Variants in PHF21A observed in about 807,000 individuals in gnomAD.
PHF21A encodes BHC80a.
In PHF21A, 11 loss-of-function variants were observed where a neutral mutation model predicts 82.5. That is an observed-to-expected ratio of 0.13 (90% CI 0.08 to 0.22). The LOEUF is 0.22. Among genes scored for constraint, PHF21A ranks in the 10% least tolerant of loss-of-function variants. PHF21A has a pLI of 1.00. For missense variants in PHF21A, 579 were observed against 837.8 expected (o/e 0.69, Z 3.81); for synonymous variants, 297 against 302.8 (o/e 0.98, Z 0.20).
At chr11:45,982,749 A>G (rs1361760029) in intron 6 of PHF21A, among the ~76,000 whole-genome samples, 4 of 152,188 alleles carry the variant, frequency 2.6e-5, no homozygotes, top group Non-Finnish European at 4.4e-5. Context: ...AGCCAGAGAA[A>G]GGAACCCTAA....
intron 10 of PHF21A, among the ~76,000 whole-genome samples, chr11:45,964,129 C>T (rs1005779663): frequency 2.0e-5 from 3 of 150,550 alleles, no homozygotes; most frequent in Admixed American, 6.6e-5. Context: ...ACCTGGGAGG[C>T]GGAGGTTGCA....
rs868649151 is a variant in PHF21A, at chr11:45,942,173, A to G, written c.1452+3667T>C. Among the ~76,000 whole-genome samples the G allele has an allele frequency of 7.9e-5, 12 of 152,366 alleles. 1 individual carries two copies. The Middle Eastern group carries it at 0.014, about 173-fold the overall frequency. On this transcript the variant is annotated intron_variant, in intron 15 of 18. Coordinates refer to ENST00000676320, the MANE Select transcript of PHF21A (RefSeq NM_001352027.3). The stretch of plus-strand genomic sequence containing the variant: ...CTGAGTTTAACTTAGGGAGTTCTTT[A>G]GAAAAGCTTTCTTTTACCTGTAGAT...
At chr11:45,959,609 C>CA (rs2092949232) in intron 10 of PHF21A, among the ~76,000 whole-genome samples, 1 of 152,100 alleles carries the variant, frequency 6.6e-6, no homozygotes, top group Non-Finnish European at 1.5e-5. Flanking sequence ...TCTCTATTTG[C>CA]AGATGACATG....
intron 6 of PHF21A, among the ~76,000 whole-genome samples, chr11:45,984,898 T>C (rs918554229): frequency 5.9e-5 from 9 of 152,246 alleles, no homozygotes; most frequent in African/African-American, 2.2e-4. Flanking sequence ...TCTTACACAG[T>C]ATTGCCTTAA....
chr11:46,110,741 T>C (rs1208581292), intron 1 of PHF21A, among the ~76,000 whole-genome samples: 1 of 152,180 alleles, frequency 6.6e-6, no homozygotes, highest in Non-Finnish European at 1.5e-5. Context: ...CCATACATTT[T>C]GGACACATCT....
intron 1 of PHF21A, chr11:46,117,888 A>G (rs908426196): frequency 1.3e-5 from 2 of 152,170 alleles, no homozygotes; most frequent in African/African-American, 2.4e-5. Flanking sequence ...AGTAGCAAAC[A>G]TTATTTATGA....
chr11:46,023,203 T>C (rs961581784), intron 6 of PHF21A, among the ~76,000 whole-genome samples: 1 of 152,198 alleles, frequency 6.6e-6, no homozygotes, highest in Admixed American at 6.5e-5. Context: ...GCCAGGGACT[T>C]ATGAAAGGAT....
chr11:46,091,521 A>T (rs940211656), intron 2 of PHF21A, among the ~76,000 whole-genome samples: 5 of 152,192 alleles, frequency 3.3e-5, no homozygotes, highest in Non-Finnish European at 2.9e-5. Flanking sequence ...GAATTATATA[A>T]AACAACACAT....
At chr11:45,967,547 C>T (rs926028239) in intron 9 of PHF21A, among the ~76,000 whole-genome samples, 7 of 152,324 alleles carry the variant, frequency 4.6e-5, no homozygotes, top group Admixed American at 4.6e-4. Context: ...GGGCATAAGG[C>T]TTCTATGCCA....
At chr11:45,948,033 G>C (rs1372215270) in intron 14 of PHF21A, among the ~76,000 whole-genome samples, 1 of 152,202 alleles carries the variant, frequency 6.6e-6, no homozygotes, top group Non-Finnish European at 1.5e-5. Flanking sequence ...CTCTGAGACT[G>C]TGTGTGCACA....
rs1251435473 is a variant in PHF21A, at chr11:45,930,839, G to C, written c.*3129C>G. ...GGGGAAAGAGCAGCGGAGGGAAGGA[G>C]GAGGAAGCAAGTGGAGGTGGCTGGG... On this transcript the variant is annotated 3_prime_UTR_variant, in exon 19 of 19. Transcript: ENST00000676320. 6.6e-6 allele frequency: 1 copy of C among 152,542 alleles called. No homozygotes were observed. The highest frequency in any genetic ancestry group is 2.4e-5 in the African/African-American group (1 of 41,406). 9.4% of individuals were successfully genotyped at this position (152,542 alleles called of 1,614,324 possible).
At chr11:46,092,759 C>T (rs1460956085) in intron 1 of PHF21A, among the ~76,000 whole-genome samples, 4 of 135,634 alleles carry the variant, frequency 2.9e-5, no homozygotes, top group African/African-American at 5.5e-5. Flanking sequence ...TGTGTCTCAC[C>T]TTTTTTTTTT....
chr11:46,006,714 A>G (rs1387989891), intron 6 of PHF21A, among the ~76,000 whole-genome samples: 6 of 152,218 alleles, frequency 3.9e-5, no homozygotes, highest in Non-Finnish European at 8.8e-5. Context: ...AAAAAGATAC[A>G]CTTGTATTAA....
In PHF21A at chr11:46,084,971, C is replaced by T. The variant is rs548231741; in HGVS notation, c.-83-669G>A. Reference sequence around the variant, plus strand: ...CTGGGATTACAGGCGTGAGCCACTGCGCTGAGCCAAAATCATACATTTTTA... The same window carrying T: ...CTGGGATTACAGGCGTGAGCCACTGTGCTGAGCCAAAATCATACATTTTTA... On this transcript the variant is annotated intron_variant, in intron 3 of 18. Coordinates refer to ENST00000676320, the MANE Select transcript of PHF21A (RefSeq NM_001352027.3). Among the ~76,000 whole-genome samples the T allele has an allele frequency of 1.4e-4, 21 of 152,104 alleles. No homozygotes were observed. The South Asian group carries it at 4.0e-3, about 29-fold the overall frequency.
intron 1 of PHF21A, among the ~76,000 whole-genome samples, chr11:46,111,020 G>C (rs2097207174): frequency 6.6e-6 from 1 of 150,944 alleles, no homozygotes; most frequent in Non-Finnish European, 1.5e-5. Context: ...CTTGACCTCA[G>C]GTGATCCACC....
At chr11:45,963,420 CAAA>C (rs35389845) in intron 10 of PHF21A, among the ~76,000 whole-genome samples, 5 of 89,942 alleles carry the variant, frequency 5.6e-5, no homozygotes, top group Non-Finnish European at 7.3e-5. Flanking sequence ...AACTCTGTGT[CAAA>C]AAAAAAAAAA....
intron 6 of PHF21A, among the ~76,000 whole-genome samples, chr11:46,059,636 G>T (rs974746928): frequency 6.6e-6 from 1 of 151,744 alleles, no homozygotes. Context: ...TGGTGCCTAG[G>T]TTGGTCTCAA....
intron 6 of PHF21A, among the ~76,000 whole-genome samples, chr11:46,014,979 C>CA (rs35525494): frequency 0.12 from 2,496 of 21,226 alleles, 345 homozygotes; most frequent in Non-Finnish European, 0.14. Context: ...GACTCCGTCT[C>CA]AAAAAAAAAA....
At chr11:45,974,958 T>G (rs2093957336) in intron 7 of PHF21A, among the ~76,000 whole-genome samples, 1 of 152,174 alleles carries the variant, frequency 6.6e-6, no homozygotes, top group South Asian at 2.1e-4. Flanking sequence ...TCCTTTTTAT[T>G]TATTTATTTA....
Sources: gnomAD v4.1 joint callset for allele counts (sites outside exome capture counted in the v4.1 genomes callset) on GRCh38, gnomAD v4.1.1 for gene constraint, MANE v1.5 for transcripts, NCBI Gene and HGNC (gene_info 2026-07-23, HGNC 2026-07-21) for gene names.